The following MAST4 variants were observed in gnomAD, a reference collection of about 807,000 sequenced individuals.
MAST4 encodes the protein microtubule associated serine/threonine kinase family member 4, also known as microtubule-associated serine/threonine-protein kinase 4.
MAST4 carries 89 observed loss-of-function variants against 162.7 expected under a neutral mutation model. The observed-to-expected ratio is 0.55, with a 90% CI of 0.46 to 0.65. The LOEUF (loss-of-function observed/expected upper bound fraction) is 0.65, where lower values mean the gene tolerates loss of function less well. Among genes scored for constraint, MAST4 ranks in the 30% least tolerant of loss-of-function variants. MAST4 has a pLI of 0.00. For missense variants in MAST4, 3,153 were observed against 3,374.0 expected (o/e 0.93, Z 1.62); for synonymous variants, 1,479 against 1,361.1 (o/e 1.09, Z -1.91).
At chr5:66,879,265 C>A (rs968878104) in intron 3 of MAST4, among the ~76,000 whole-genome samples, 9 of 125,306 alleles carry the variant, frequency 7.2e-5, no homozygotes, top group Admixed American at 1.7e-4. Flanking sequence ...GGTGACAGAG[C>A]AAGACTCCGT....
intron 5 of MAST4, among the ~76,000 whole-genome samples, chr5:67,067,506 A>G (rs1760392543): frequency 1.3e-5 from 2 of 152,244 alleles, no homozygotes; most frequent in South Asian, 4.1e-4. Context: ...GCTAGAAATG[A>G]TACGACATCA....
chr5:66,789,644 G>T (rs1755291738), intron 3 of MAST4: 1 of 496,844 alleles, frequency 2.0e-6, no homozygotes, highest in East Asian at 5.6e-5. Context: ...AAGGAATGAG[G>T]TCTGGAGGCC....
chr5:66,779,393 C>CTTT (rs57118930), intron 2 of MAST4, among the ~76,000 whole-genome samples: 5 of 116,688 alleles, frequency 4.3e-5, no homozygotes, highest in Non-Finnish European at 3.5e-5. Flanking sequence ...ACACATAGCA[C>CTTT]TTTTTTTTTT....
At position 67,164,019 on chromosome 5, in the gene MAST4, C is replaced by T. The variant is rs1394316854; in HGVS notation, c.4840C>T (p.Arg1614Cys). The T allele has an allele frequency of 2.5e-6, 4 of 1,589,454 alleles. No individual in the cohort carries two copies. Among genetic ancestry groups the T allele is most frequent in the Non-Finnish European group, 3.4e-6 (4 of 1,167,668 alleles). Reference protein sequence around the residue: ...KDALHKQASVRASEGAMSDGR... With the variant: ...KDALHKQASVCASEGAMSDGR... ...TGCTCTTCACAAGCAGGCCAGCGTG[C>T]GCGCCAGCGAGGGTGCGATGTCGGA... The change falls in exon 29 of 29, where the codon CGC becomes TGC. Residue 1614 changes from arginine to cysteine, a missense_variant. Coordinates refer to ENST00000403625, the MANE Select transcript of MAST4 (RefSeq NM_001164664.2). This position sits in a 1 kb window ranked among gnomAD's most constrained non-coding sequence, Gnocchi z 5.3.
intron 10 of MAST4, among the ~76,000 whole-genome samples, chr5:67,108,005 T>C (rs1765788457): frequency 6.6e-6 from 1 of 152,214 alleles, no homozygotes; most frequent in Non-Finnish European, 1.5e-5. Flanking sequence ...TGTCTTTATT[T>C]TGTGTTGTTT....
At chr5:66,704,859 A>T (rs1349379204) in intron 1 of MAST4, among the ~76,000 whole-genome samples, 2 of 152,052 alleles carry the variant, frequency 1.3e-5, no homozygotes, top group Admixed American at 1.3e-4. Context: ...TCTTTTGTGT[A>T]TTCTTTTCAT....
rs764587486 is a variant in MAST4, at chr5:67,136,572, A to G, written c.2402A>G (p.Asn801Ser). 2.5e-6 allele frequency: 4 copies of G among 1,602,782 alleles called. No individual in the cohort carries two copies. Among genetic ancestry groups the G allele is most frequent in the Admixed American group, 1.7e-5 (1 of 58,832 alleles). ...CTTTTCTTCCTTCTAGATGAGATCA[A>G]CTGGCCTGAGAAGGATGAGGCACCC... The part of the protein sequence containing the change: ...LFGQVISDEI[N>S]WPEKDEAPPP... Residue 801 changes from asparagine to serine, a missense_variant, in exon 19 of 29, where the codon AAC becomes AGC. Physicochemically the swap from Asn to Ser is conservative, Grantham distance 46. Coordinates refer to ENST00000403625, the MANE Select transcript of MAST4 (RefSeq NM_001164664.2).
rs554802748 is a variant in MAST4, at chr5:66,758,069, T to C, written c.364-1640T>C. ...TTTGAAAGGGTGTGTTTTTTTTTTTTCCTTTTTCCCAAGTGCACTCTGGAG... is the reference window on the plus strand; with the variant it reads ...TTTGAAAGGGTGTGTTTTTTTTTTTCCCTTTTTCCCAAGTGCACTCTGGAG... On this transcript the variant is annotated intron_variant, in intron 1 of 28. Transcript: ENST00000403625. Among the ~76,000 whole-genome samples, 204 of 151,904 alleles carry C rather than the reference T, an allele frequency of 1.3e-3. 1 individual carries two copies. Among genetic ancestry groups the C allele is most frequent in the African/African-American group, 4.8e-3 (199 of 41,478 alleles).
intron 14 of MAST4, among the ~76,000 whole-genome samples, chr5:67,129,390 G>T (rs1768655520): frequency 6.6e-6 from 1 of 152,112 alleles, no homozygotes; most frequent in South Asian, 2.1e-4. Context: ...AAGCTATGGG[G>T]TTTTTTGTGG....
chr5:66,831,138 G>A (rs967184648), intron 3 of MAST4, among the ~76,000 whole-genome samples: 5 of 152,114 alleles, frequency 3.3e-5, no homozygotes, highest in Non-Finnish European at 5.9e-5. Context: ...AAATATTGTT[G>A]AAAACCAAGG....
At chr5:67,006,982 T>A (rs1268175588) in intron 4 of MAST4, among the ~76,000 whole-genome samples, 1 of 152,166 alleles carries the variant, frequency 6.6e-6, no homozygotes, top group Non-Finnish European at 1.5e-5. Context: ...TGCTGGAGAT[T>A]TTCAGGTTTT....
chr5:66,964,030 G>A (rs1255323989), intron 4 of MAST4: 21 of 656,052 alleles, frequency 3.2e-5, no homozygotes, highest in Non-Finnish European at 5.2e-5. Context: ...TTTTCATTTT[G>A]CTTTCTTAGG....
At chr5:67,061,251 TGAA>T (rs1241683607) in intron 5 of MAST4, among the ~76,000 whole-genome samples, 1 of 152,210 alleles carries the variant, frequency 6.6e-6, no homozygotes, top group East Asian at 1.9e-4. Context: ...AGTACAGTGT[TGAA>T]GAGTCCATCA....
At chr5:66,919,044 A>G (rs1004749177) in intron 4 of MAST4, among the ~76,000 whole-genome samples, 1 of 151,070 alleles carries the variant, frequency 6.6e-6, no homozygotes, top group African/African-American at 2.4e-5. Flanking sequence ...CGGAGGTTGC[A>G]GTGAGCCAAG....
intron 2 of MAST4, among the ~76,000 whole-genome samples, chr5:66,762,587 C>T (rs553509045): frequency 1.1e-4 from 17 of 152,272 alleles, no homozygotes; most frequent in African/African-American, 4.1e-4. Context: ...ACAGCATCTT[C>T]CCTGATCTTT....
chr5:66,731,817 C>T (rs1279234741), intron 1 of MAST4, among the ~76,000 whole-genome samples: 1 of 151,890 alleles, frequency 6.6e-6, no homozygotes, highest in East Asian at 1.9e-4. Context: ...TTAAGGTGTC[C>T]CAGAGGCAAC....
chr5:66,818,524 A>G (rs749187552), intron 3 of MAST4, among the ~76,000 whole-genome samples: 70 of 152,188 alleles, frequency 4.6e-4, no homozygotes, highest in Non-Finnish European at 8.4e-4. Flanking sequence ...AGATAAATAC[A>G]AATACTGTGT....
intron 5 of MAST4, among the ~76,000 whole-genome samples, chr5:67,059,410 T>G (rs1013658407): frequency 6.6e-6 from 1 of 152,192 alleles, no homozygotes; most frequent in Non-Finnish European, 1.5e-5. Flanking sequence ...CATTTTTGAT[T>G]GAATAACTAG....
intron 4 of MAST4, among the ~76,000 whole-genome samples, chr5:66,966,317 A>G (rs982778512): frequency 1.3e-5 from 2 of 152,188 alleles, no homozygotes; most frequent in African/African-American, 4.8e-5. Flanking sequence ...CTGTATATGG[A>G]ATGTACTAAG....
Sources: gnomAD v4.1 joint callset for allele counts (sites outside exome capture counted in the v4.1 genomes callset) on GRCh38, gnomAD v4.1.1 for gene constraint, Gnocchi (gnomAD v3.1) non-coding constraint, MANE v1.5 for transcripts, NCBI Gene and HGNC (gene_info 2026-07-23, HGNC 2026-07-21) for gene names.